Variants in TENM2 observed in about 807,000 individuals in gnomAD.
The protein encoded by TENM2 is teneurin-2.
Under a neutral mutation model 245.2 loss-of-function variants are expected in TENM2, and 52 were observed. That is an observed-to-expected ratio of 0.21 (90% CI 0.17 to 0.27). TENM2 has a LOEUF of 0.27. TENM2 is among the 10% of genes least tolerant of loss of function. The pLI, the probability that TENM2 is intolerant of heterozygous loss-of-function variation, is 1.00. For missense variants in TENM2, 3,046 were observed against 3,666.8 expected, an observed-to-expected ratio of 0.83 and a Z score of 4.37; for synonymous variants, 1,363 against 1,438.9, an observed-to-expected ratio of 0.95 and a Z score of 1.19.
rs550632390 is a variant in TENM2 at position 168,152,475 on chromosome 5, G to A, written c.2423-10136G>A. Reference sequence around the variant, plus strand: ...CAAGTCCGTGCCCACAGGCCTCCTCGGTGTTATTTGTATTTTTATGACCCT... The same window carrying A: ...CAAGTCCGTGCCCACAGGCCTCCTCAGTGTTATTTGTATTTTTATGACCCT... On this transcript the variant is annotated intron_variant, in intron 12 of 28. Coordinates refer to ENST00000518659, the Ensembl canonical transcript of TENM2. Among the ~76,000 whole-genome samples, 134 of 152,250 alleles carry A rather than the reference G, an allele frequency of 8.8e-4. No homozygotes were observed. In the Middle Eastern group the frequency reaches 0.01, roughly 12 times the overall value.
At chr5:167,550,909 A>T (rs1772899006) in intron 2 of TENM2, among the ~76,000 whole-genome samples, 2 of 151,914 alleles carry the variant, frequency 1.3e-5, no homozygotes, top group African/African-American at 4.8e-5. Flanking sequence ...TCGCATTTTC[A>T]GTAGAGACGG....
the TENM2 span, among the ~76,000 whole-genome samples, chr5:166,980,899 C>T: frequency 0.097 from 14,773 of 152,186 alleles, 862 homozygotes; most frequent in Non-Finnish European, 0.14. Context: ...CCTCCTTCTG[C>T]TAGGTGGTTG....
chr5:167,868,677 C>T (rs908142363), intron 2 of TENM2, among the ~76,000 whole-genome samples: 6 of 141,364 alleles, frequency 4.2e-5, no homozygotes, highest in Non-Finnish European at 7.5e-5. Flanking sequence ...GCAGAGGTTG[C>T]AGTAGCCAAG....
intron 1 of TENM2, among the ~76,000 whole-genome samples, chr5:167,306,843 T>A (rs1389935365): frequency 6.6e-6 from 1 of 152,184 alleles, no homozygotes; most frequent in African/African-American, 2.4e-5. Flanking sequence ...TGAATAATAT[T>A]TACTGAATAT....
chr5:167,546,591 G>A (rs1772574353), intron 2 of TENM2, among the ~76,000 whole-genome samples: 1 of 152,196 alleles, frequency 6.6e-6, no homozygotes, highest in Admixed American at 6.5e-5. Context: ...TCTTTGCGAT[G>A]TAAACCTAAA....
At chr5:167,470,706 C>T (rs1766970340) in intron 2 of TENM2, among the ~76,000 whole-genome samples, 1 of 151,852 alleles carries the variant, frequency 6.6e-6, no homozygotes, top group South Asian at 2.1e-4. Flanking sequence ...AATCAAGACC[C>T]TGGTATGCTG....
the TENM2 span, among the ~76,000 whole-genome samples, chr5:166,989,684 A>C: frequency 2.0e-5 from 3 of 151,454 alleles, no homozygotes; most frequent in Non-Finnish European, 4.4e-5. Context: ...GAGCCACTGC[A>C]CCTGGCCTAC....
At chr5:168,172,054 C>T (rs962580883) in intron 13 of TENM2, among the ~76,000 whole-genome samples, 1 of 152,224 alleles carries the variant, frequency 6.6e-6, no homozygotes, top group African/African-American at 2.4e-5. Context: ...ACCGGGGCAA[C>T]TCGCTCACCC....
At chr5:167,979,099 T>C (rs959510518) in intron 4 of TENM2, among the ~76,000 whole-genome samples, 2 of 152,126 alleles carry the variant, frequency 1.3e-5, no homozygotes, top group African/African-American at 4.8e-5. Flanking sequence ...GTCAACAGGA[T>C]CCCCATTCAA....
intron 2 of TENM2, among the ~76,000 whole-genome samples, chr5:167,632,849 A>C (rs1249374240): frequency 6.6e-6 from 1 of 152,220 alleles, no homozygotes; most frequent in Non-Finnish European, 1.5e-5. Flanking sequence ...AATAAAACAC[A>C]AACAAACAAA....
the TENM2 span, among the ~76,000 whole-genome samples, chr5:167,118,292 A>C: frequency 9.9e-5 from 15 of 152,196 alleles, no homozygotes; most frequent in African/African-American, 3.6e-4. Context: ...GAAACTCAAC[A>C]ATCTTTCTCT....
intron 2 of TENM2, among the ~76,000 whole-genome samples, chr5:167,751,030 C>T (rs1761928003): frequency 6.6e-6 from 1 of 151,976 alleles, no homozygotes; most frequent in African/African-American, 2.4e-5. Context: ...TAGAAGGTAG[C>T]CACAGGGAGG....
intron 2 of TENM2, among the ~76,000 whole-genome samples, chr5:167,812,240 A>C (rs1481741277): frequency 6.6e-6 from 1 of 152,182 alleles, no homozygotes; most frequent in Non-Finnish European, 1.5e-5. Context: ...GATGGAATGT[A>C]ATGAAGGCTT....
the TENM2 span, among the ~76,000 whole-genome samples, chr5:167,031,155 G>T: frequency 6.6e-6 from 1 of 152,104 alleles, no homozygotes; most frequent in Admixed American, 6.5e-5. Context: ...CAGACAAAAG[G>T]CAAGATTTTC....
At chr5:167,342,262 A>G (rs1758146856) in intron 1 of TENM2, among the ~76,000 whole-genome samples, 1 of 152,074 alleles carries the variant, frequency 6.6e-6, no homozygotes, top group African/African-American at 2.4e-5. Context: ...TTTGACCACC[A>G]TGGCAGTTTT....
rs562261707 is a variant in TENM2 at position 168,142,713 on chromosome 5, T to G, written c.2422+15747T>G. Among the ~76,000 whole-genome samples, 244 of 152,328 alleles carry G rather than the reference T, an allele frequency of 1.6e-3. No individual in the cohort carries two copies. The South Asian group carries it at 0.019, about 12-fold the overall frequency. On this transcript the variant is annotated intron_variant, in intron 12 of 28. Transcript: ENST00000518659. ...CCTCCCAGGCTGTGGCTTTACCCCT[T>G]TCTCTTAAAATCCTGACAATACTTC...
the TENM2 span, among the ~76,000 whole-genome samples, chr5:167,238,004 T>A: frequency 8.9e-6 from 1 of 112,798 alleles, no homozygotes. Context: ...AGTGAGACTC[T>A]GTCTCAAAAA....
chr5:167,892,214 T>C (rs940135742), intron 3 of TENM2, among the ~76,000 whole-genome samples: 2 of 152,186 alleles, frequency 1.3e-5, no homozygotes, highest in African/African-American at 2.4e-5. Context: ...AAAATTAAAC[T>C]TGAAAAAATT....
At chr5:167,723,635 G>C (rs923200777) in intron 2 of TENM2, among the ~76,000 whole-genome samples, 1 of 152,156 alleles carries the variant, frequency 6.6e-6, no homozygotes, top group Non-Finnish European at 1.5e-5. Flanking sequence ...ACTTCGCTGT[G>C]TGCCTCAAAT....
Sources: allele counts gnomAD v4.1 joint callset (sites outside exome capture counted in the v4.1 genomes callset), GRCh38; gene constraint gnomAD v4.1.1; transcripts MANE v1.5; gene names NCBI Gene and HGNC (gene_info 2026-07-23, HGNC 2026-07-21).